Variants in AGBL4 observed in about 807,000 individuals in gnomAD.
AGBL4 encodes the protein AGBL carboxypeptidase 4, also known as cytosolic carboxypeptidase 6.
A neutral mutation model predicts 66.4 loss-of-function variants in AGBL4; 58 were observed. That is an observed-to-expected ratio of 0.87 (90% CI 0.71 to 1.09). The LOEUF is 1.09. AGBL4 is among the 50% of genes least tolerant of loss of function. The probability of loss-of-function intolerance (pLI) is 0.00; values close to 1 mark genes in which losing one functional copy is unlikely to be tolerated. For missense variants in AGBL4, 579 were observed against 631.0 expected (o/e 0.92, Z 0.88); for synonymous variants, 234 against 222.9 (o/e 1.05, Z -0.44).
chr1:49,047,080 A>C (rs1355418115), intron 4 of AGBL4, among the ~76,000 whole-genome samples: 1 of 152,182 alleles, frequency 6.6e-6, no homozygotes, highest in Non-Finnish European at 1.5e-5. Flanking sequence ...TTGTTGCAGA[A>C]TCTTGTTTCT....
intron 1 of AGBL4, among the ~76,000 whole-genome samples, chr1:49,955,091 A>G (rs1212397928): frequency 6.6e-6 from 1 of 151,914 alleles, no homozygotes; most frequent in African/African-American, 2.4e-5. Flanking sequence ...AGTATATAAG[A>G]CCCAACTGCA....
chr1:49,702,917 G>C (rs1647127376), intron 2 of AGBL4, among the ~76,000 whole-genome samples: 1 of 151,992 alleles, frequency 6.6e-6, no homozygotes, highest in African/African-American at 2.4e-5. Flanking sequence ...GAATACTCAA[G>C]ATGAACACAA....
chr1:49,095,286 T>C (rs2147988351), intron 4 of AGBL4, among the ~76,000 whole-genome samples: 1 of 152,182 alleles, frequency 6.6e-6, no homozygotes, highest in South Asian at 2.1e-4. Flanking sequence ...TTCAATGCCA[T>C]CCCCATCAAG....
At chr1:49,857,491 T>A (rs1244725448) in intron 1 of AGBL4, among the ~76,000 whole-genome samples, 1 of 152,064 alleles carries the variant, frequency 6.6e-6, no homozygotes, top group Admixed American at 6.6e-5. Context: ...AAAGCCATAA[T>A]AGTCAAAATA....
At chr1:49,357,137 G>A (rs1297452745) in intron 3 of AGBL4, among the ~76,000 whole-genome samples, 2 of 152,196 alleles carry the variant, frequency 1.3e-5, no homozygotes, top group Non-Finnish European at 2.9e-5. Flanking sequence ...AAAGAGTTAC[G>A]GCTGGGCCAA....
intron 5 of AGBL4, among the ~76,000 whole-genome samples, chr1:48,985,173 A>G (rs183883038): frequency 6.4e-4 from 97 of 152,256 alleles, no homozygotes; most frequent in African/African-American, 2.3e-3. Flanking sequence ...AAACTAATGT[A>G]TTCAGCTCCA....
chr1:49,318,767 T>C (rs1461027334), intron 3 of AGBL4, among the ~76,000 whole-genome samples: 2 of 152,092 alleles, frequency 1.3e-5, no homozygotes, highest in African/African-American at 2.4e-5. Context: ...CACTAGACTA[T>C]AGGGCCACTC....
intron 2 of AGBL4, among the ~76,000 whole-genome samples, chr1:49,728,946 A>C (rs541305923): frequency 6.6e-6 from 1 of 152,306 alleles, no homozygotes; most frequent in South Asian, 2.1e-4. Context: ...CAAAATGTCA[A>C]ATGCTTCGCC....
chr1:48,641,384 CA>C (rs773655275), intron 8 of AGBL4, among the ~76,000 whole-genome samples: 4 of 152,082 alleles, frequency 2.6e-5, no homozygotes, highest in Non-Finnish European at 5.9e-5. Context: ...ATAACACATC[CA>C]CTTCCCATCA....
chr1:48,530,731 A>C (rs1643900088), downstream of AGBL4, among the ~76,000 whole-genome samples: 1 of 152,212 alleles, frequency 6.6e-6, no homozygotes, highest in Non-Finnish European at 1.5e-5. Context: ...CTAGCACTGC[A>C]TCAGTATGGA....
intron 8 of AGBL4, among the ~76,000 whole-genome samples, chr1:48,638,771 T>C (rs563542112): frequency 7.2e-5 from 11 of 152,352 alleles, no homozygotes; most frequent in Non-Finnish European, 7.3e-5. Flanking sequence ...TTCCTGTGCC[T>C]GACAAAGAGC....
chr1:50,006,249 G>A (rs1247657588), intron 1 of AGBL4, among the ~76,000 whole-genome samples: 1 of 151,400 alleles, frequency 6.6e-6, no homozygotes, highest in African/African-American at 2.4e-5. Flanking sequence ...TGAGGCAGGA[G>A]AATGGCATGA....
intron 5 of AGBL4, among the ~76,000 whole-genome samples, chr1:48,921,467 T>C (rs1370100978): frequency 6.6e-6 from 1 of 152,192 alleles, no homozygotes; most frequent in Non-Finnish European, 1.5e-5. Flanking sequence ...TAAAATTCCA[T>C]AGCTCTGGCT....
intron 5 of AGBL4, among the ~76,000 whole-genome samples, chr1:48,983,978 G>C (rs1240683021): frequency 6.6e-6 from 1 of 152,278 alleles, no homozygotes; most frequent in East Asian, 1.9e-4. Context: ...AGGAAGGACT[G>C]AGGACACATT....
At chr1:49,738,835 G>C (rs539282504) in intron 2 of AGBL4, among the ~76,000 whole-genome samples, 1 of 152,336 alleles carries the variant, frequency 6.6e-6, no homozygotes, top group South Asian at 2.1e-4. Context: ...CAGACTTGCA[G>C]CTGAGGGTCC....
intron 4 of AGBL4, among the ~76,000 whole-genome samples, chr1:49,115,697 TATA>T: frequency 6.6e-6 from 1 of 152,154 alleles, no homozygotes; most frequent in Non-Finnish European, 1.5e-5. Context: ...TTGAAATTGT[TATA>T]ATATTAAGAC....
intron 6 of AGBL4, among the ~76,000 whole-genome samples, chr1:48,777,209 A>C (rs1386380082): frequency 3.3e-5 from 5 of 152,166 alleles, no homozygotes; most frequent in Non-Finnish European, 7.3e-5. Context: ...CAGGAAAAAA[A>C]TGCATTGATT....
chr1:48,945,617 G>T (rs146000354), intron 5 of AGBL4, among the ~76,000 whole-genome samples: 1 of 152,174 alleles, frequency 6.6e-6, no homozygotes, highest in African/African-American at 2.4e-5. Context: ...GCTTTGCCCT[G>T]TTCTGGTACC....
intron 3 of AGBL4, among the ~76,000 whole-genome samples, chr1:49,518,691 C>T (rs1445386279): frequency 1.3e-5 from 2 of 152,010 alleles, no homozygotes; most frequent in Non-Finnish European, 2.9e-5. Context: ...AATGCAAAAG[C>T]ACCTTGATAC....
Sources: allele counts gnomAD v4.1 joint callset (sites outside exome capture counted in the v4.1 genomes callset), GRCh38; gene constraint gnomAD v4.1.1; transcripts MANE v1.5; gene names NCBI Gene and HGNC (gene_info 2026-07-23, HGNC 2026-07-21).